Variants in UBE2H observed in about 807,000 individuals in gnomAD.
UBE2H encodes the protein ubiquitin conjugating enzyme E2 H.
Under a neutral mutation model 29.0 loss-of-function variants are expected in UBE2H, and 3 were observed. The observed-to-expected ratio is 0.10, with a 90% CI of 0.05 to 0.27. The LOEUF is 0.27. UBE2H is among the 10% of genes least tolerant of loss of function. UBE2H has a pLI of 1.00. For synonymous variants in UBE2H, 69 were observed against 82.9 expected (o/e 0.83, Z 0.91); for missense variants, 68 against 228.2 (o/e 0.30, Z 4.52).
chr7:129,887,393 T>A (rs541298909), intron 1 of UBE2H, among the ~76,000 whole-genome samples: 8 of 152,078 alleles, frequency 5.3e-5, no homozygotes, highest in Non-Finnish European at 2.9e-5. Context: ...GGCTAATTTT[T>A]GTATTTTTAG....
chr7:129,927,703 TA>T (rs566180869), intron 1 of UBE2H, among the ~76,000 whole-genome samples: 188 of 152,216 alleles, frequency 1.2e-3, no homozygotes, highest in African/African-American at 4.2e-3. Flanking sequence ...TTAAGTAAAA[TA>T]AAGCAGGCAC....
At chr7:129,913,553 C>A (rs549396120) in intron 1 of UBE2H, among the ~76,000 whole-genome samples, 1 of 152,240 alleles carries the variant, frequency 6.6e-6, no homozygotes, top group South Asian at 2.1e-4. Context: ...CCATTCCAAG[C>A]ATCTAAGGCC....
intron 1 of UBE2H, among the ~76,000 whole-genome samples, chr7:129,899,268 T>A (rs1355071838): frequency 2.0e-5 from 3 of 152,240 alleles, no homozygotes; most frequent in Non-Finnish European, 4.4e-5. Flanking sequence ...AAGGGCTGTA[T>A]ACCTAATTTT....
At chr7:129,900,005 C>T (rs1159049003) in intron 1 of UBE2H, among the ~76,000 whole-genome samples, 2 of 151,972 alleles carry the variant, frequency 1.3e-5, no homozygotes, top group Admixed American at 1.3e-4. Context: ...TGGCACACAA[C>T]TGTAACCCCA....
At chr7:129,846,058 A>G (rs1193888226) in intron 5 of UBE2H, among the ~76,000 whole-genome samples, 1 of 152,212 alleles carries the variant, frequency 6.6e-6, no homozygotes, top group Non-Finnish European at 1.5e-5. Flanking sequence ...TTAAAGTAAA[A>G]TTGCCCTATT....
At chr7:129,892,256 TTC>T in intron 1 of UBE2H, among the ~76,000 whole-genome samples, 1 of 134,810 alleles carries the variant, frequency 7.4e-6, no homozygotes, top group Non-Finnish European at 1.6e-5. Context: ...GCCTCAACCT[TTC>T]TTTTTTTTTT....
intron 1 of UBE2H, among the ~76,000 whole-genome samples, chr7:129,922,313 T>A (rs1212420450): frequency 2.0e-5 from 3 of 149,276 alleles, no homozygotes; most frequent in Non-Finnish European, 4.4e-5. Flanking sequence ...TGAGATGGAG[T>A]CTTGCTCTGG....
chr7:129,918,361 TC>T (rs1807086169), intron 1 of UBE2H, among the ~76,000 whole-genome samples: 1 of 149,544 alleles, frequency 6.7e-6, no homozygotes, highest in African/African-American at 2.5e-5. Context: ...AAATCCAAAT[TC>T]TTTTTTTTTT....
chr7:129,893,757 G>C (rs1806546815), intron 1 of UBE2H, among the ~76,000 whole-genome samples: 1 of 152,078 alleles, frequency 6.6e-6, no homozygotes, highest in South Asian at 2.1e-4. Flanking sequence ...TTGCTTACTT[G>C]CAACTGAAAA....
chr7:129,897,960 A>G, intron 1 of UBE2H, among the ~76,000 whole-genome samples: 1 of 134,818 alleles, frequency 7.4e-6, no homozygotes, highest in South Asian at 2.3e-4. Flanking sequence ...CTTTATCAAC[A>G]TTTAGGATGA....
Position 129,952,672 on chromosome 7 carries a change from T to G in UBE2H, c.-117A>C. On this transcript the variant is annotated 5_prime_UTR_variant, in exon 1 of 7. Coordinates refer to ENST00000355621, the MANE Select transcript of UBE2H (RefSeq NM_003344.4). ...GGTGGAGGTGGCAACACCCCCGCGG[T>G]CCCGGCGGTCCCGTCAGCCGCCGCC... 1.1e-5 allele frequency: 13 copies of G among 1,165,962 alleles called. No homozygotes were observed. Among genetic ancestry groups the G allele is most frequent in the Non-Finnish European group, 1.5e-5 (13 of 878,992 alleles). 72.2% of individuals were successfully genotyped at this position (1,165,962 alleles called of 1,614,324 possible). A position where few individuals can be genotyped will look rare whatever the true frequency, so the allele number is the denominator to read the frequency against.
chr7:129,879,715 C>T (rs62491504), intron 2 of UBE2H, 73 bp from the exon 3 acceptor site: 206,525 of 1,380,568 alleles, frequency 0.15, 16,119 homozygotes, highest in Admixed American at 0.24. Flanking sequence ...GTAAATTAAA[C>T]ATTATCCCCT....
chr7:129,842,762 G>A (rs1284909953), intron 5 of UBE2H, among the ~76,000 whole-genome samples: 2 of 151,794 alleles, frequency 1.3e-5, no homozygotes, highest in Non-Finnish European at 2.9e-5. Flanking sequence ...AATTAGCTGG[G>A]TGTGGTGGCA....
At chr7:129,892,090 C>CTG (rs1434623734) in intron 1 of UBE2H, among the ~76,000 whole-genome samples, 11 of 151,582 alleles carry the variant, frequency 7.3e-5, no homozygotes, top group Non-Finnish European at 1.6e-4. Flanking sequence ...GCAGCTGGGA[C>CTG]TACAGGCGCC....
intron 6 of UBE2H, among the ~76,000 whole-genome samples, chr7:129,838,090 AACTG>A (rs955918014): frequency 2.0e-5 from 3 of 152,364 alleles, no homozygotes; most frequent in African/African-American, 7.2e-5. Context: ...ATCTGGCTGA[AACTG>A]ACTGCCTTTT....
At chr7:129,860,950 G>A (rs913669004) in intron 3 of UBE2H, among the ~76,000 whole-genome samples, 3 of 152,144 alleles carry the variant, frequency 2.0e-5, no homozygotes, top group African/African-American at 7.2e-5. Flanking sequence ...GGCCAGGCAC[G>A]GTGGCTCATG....
chr7:129,951,211 C>G (rs1212511860), intron 1 of UBE2H: 1 of 152,160 alleles, frequency 6.6e-6, no homozygotes, highest in East Asian at 1.9e-4. Context: ...AACCACTGAT[C>G]TCTACAAAGA....
intron 1 of UBE2H, among the ~76,000 whole-genome samples, chr7:129,895,758 G>A (rs950445570): frequency 5.3e-5 from 8 of 151,912 alleles, no homozygotes; most frequent in African/African-American, 1.2e-4. Flanking sequence ...AAAATTAGCC[G>A]GGTGCCTGTA....
At chr7:129,898,723 A>G (rs1274933124) in intron 1 of UBE2H, among the ~76,000 whole-genome samples, 2 of 152,154 alleles carry the variant, frequency 1.3e-5, no homozygotes, top group Non-Finnish European at 2.9e-5. Flanking sequence ...ATCAGAGGGC[A>G]CAGTGCAGAG....
Sources: allele counts gnomAD v4.1 joint callset (sites outside exome capture counted in the v4.1 genomes callset), GRCh38; gene constraint gnomAD v4.1.1; transcripts MANE v1.5; gene names NCBI Gene and HGNC (gene_info 2026-07-23, HGNC 2026-07-21).